Variants in KCNQ3 observed in about 807,000 individuals in gnomAD.
KCNQ3 encodes potassium voltage-gated channel subfamily KQT member 3.
In KCNQ3, 30 loss-of-function variants were observed where a neutral mutation model predicts 92.5. The observed-to-expected ratio is 0.32, with a 90% CI of 0.24 to 0.44. The LOEUF (loss-of-function observed/expected upper bound fraction) is 0.44. KCNQ3 is among the 20% of genes least tolerant of loss of function. The pLI is 1.00. For synonymous variants in KCNQ3, 450 were observed against 468.8 expected, an observed-to-expected ratio of 0.96 and a Z score of 0.52; for missense variants, 913 against 1,140.3, an observed-to-expected ratio of 0.80 and a Z score of 2.87.
chr8:132,465,267 ATTAGT>A (rs1489250595), intron 1 of KCNQ3, among the ~76,000 whole-genome samples: 1 of 152,202 alleles, frequency 6.6e-6, no homozygotes, highest in Non-Finnish European at 1.5e-5. Flanking sequence ...CACATTATAA[ATTAGT>A]TAAGATTCTT....
At chr8:132,325,648 G>T (rs969962726) in intron 1 of KCNQ3, among the ~76,000 whole-genome samples, 1 of 152,188 alleles carries the variant, frequency 6.6e-6, no homozygotes, top group Non-Finnish European at 1.5e-5. Flanking sequence ...CAAGGACAGA[G>T]GTCCCAGAAA....
chr8:132,342,357 T>C (rs191371252), intron 1 of KCNQ3, among the ~76,000 whole-genome samples: 15 of 152,182 alleles, frequency 9.9e-5, no homozygotes, highest in Admixed American at 6.6e-5. Flanking sequence ...CCATTCTCAT[T>C]ACCCAAACCA....
chr8:132,177,426 A>T (rs1249451773), intron 4 of KCNQ3, among the ~76,000 whole-genome samples: 1 of 152,202 alleles, frequency 6.6e-6, no homozygotes, highest in African/African-American at 2.4e-5. Flanking sequence ...ACTGGGGTCC[A>T]GCCAATATGG....
intron 1 of KCNQ3, among the ~76,000 whole-genome samples, chr8:132,248,185 G>A (rs763120660): frequency 3.3e-4 from 50 of 151,982 alleles, no homozygotes; most frequent in Non-Finnish European, 6.5e-4. Flanking sequence ...CTCTCTCTTG[G>A]GTTTCTGAGA....
At chr8:132,394,658 T>C (rs980214944) in intron 1 of KCNQ3, among the ~76,000 whole-genome samples, 2 of 152,042 alleles carry the variant, frequency 1.3e-5, no homozygotes, top group Admixed American at 6.6e-5. Flanking sequence ...TTATTATCAA[T>C]GATGACAATG....
At chr8:132,297,114 T>G (rs1817056508) in intron 1 of KCNQ3, among the ~76,000 whole-genome samples, 1 of 152,216 alleles carries the variant, frequency 6.6e-6, no homozygotes, top group Admixed American at 6.5e-5. Context: ...TCATTGTGGT[T>G]TTGATTTGCA....
intron 1 of KCNQ3, among the ~76,000 whole-genome samples, chr8:132,262,759 G>A (rs1815831076): frequency 6.6e-6 from 1 of 151,794 alleles, no homozygotes; most frequent in Non-Finnish European, 1.5e-5. Flanking sequence ...CACCCGTCTT[G>A]GACAGACATA....
chr8:132,422,258 C>T (rs1270861566), intron 1 of KCNQ3, among the ~76,000 whole-genome samples: 1 of 152,166 alleles, frequency 6.6e-6, no homozygotes, highest in Non-Finnish European at 1.5e-5. Flanking sequence ...TTTATCTGCA[C>T]ATTGACTTCC....
rs1303827847 is a variant in KCNQ3, at chr8:132,126,615, T to C, written c.*2647A>G. 1 of 152,086 alleles carries C rather than the reference T, an allele frequency of 6.6e-6. No homozygotes were observed. 9.4% of individuals were successfully genotyped at this position (152,086 alleles called of 1,614,324 possible). On this transcript the variant is annotated 3_prime_UTR_variant, in exon 15 of 15. Transcript: ENST00000388996. ...TGTATTTTGTCTATGTCTATACTGA[T>C]AAAGACAACTTACTAGATGTTAGAC...
At chr8:132,138,175 AAC>A (rs1825169033) in intron 11 of KCNQ3, among the ~76,000 whole-genome samples, 159 bp from the exon 12 acceptor site, 1 of 152,222 alleles carries the variant, frequency 6.6e-6, no homozygotes, top group African/African-American at 2.4e-5. Context: ...TACCCCTTGG[AAC>A]ACACAGAGTT....
intron 4 of KCNQ3, among the ~76,000 whole-genome samples, chr8:132,177,694 C>T (rs1826611746): frequency 6.6e-6 from 1 of 152,184 alleles, no homozygotes; most frequent in Admixed American, 6.5e-5. Flanking sequence ...GAAAGTTTAA[C>T]CCTGTGCAAC....
chr8:132,175,384 A>C, intron 5 of KCNQ3, 69 bp downstream of exon 5: 2 of 1,543,198 alleles, frequency 1.3e-6, no homozygotes, highest in South Asian at 2.2e-5. Flanking sequence ...TGCTCATGTG[A>C]TGCCCTCCAC....
At chr8:132,134,506 AGAGGAGAG>A in intron 12 of KCNQ3, 118 bp from the exon 13 acceptor site, 1 of 725,560 alleles carries the variant, frequency 1.4e-6, no homozygotes, top group Non-Finnish European at 2.4e-6. Flanking sequence ...AGAGGAGAGG[AGAGGAGAG>A]GAGAAGTGAG....
intron 1 of KCNQ3, among the ~76,000 whole-genome samples, chr8:132,331,011 C>A (rs1367205259): frequency 6.6e-6 from 1 of 152,164 alleles, no homozygotes; most frequent in Admixed American, 6.5e-5. Context: ...TGAATGTTCC[C>A]ATTTGTCCCA....
At chr8:132,236,487 C>A (rs779015985) in intron 1 of KCNQ3, among the ~76,000 whole-genome samples, 1 of 152,128 alleles carries the variant, frequency 6.6e-6, no homozygotes, top group Non-Finnish European at 1.5e-5. Flanking sequence ...GAGATTAATG[C>A]TAATAATTAA....
At chr8:132,451,824 G>A (rs1445797515) in intron 1 of KCNQ3, among the ~76,000 whole-genome samples, 3 of 152,208 alleles carry the variant, frequency 2.0e-5, no homozygotes, top group Non-Finnish European at 2.9e-5. Context: ...AATAGGACAG[G>A]AGCAGCGGGA....
At chr8:132,388,629 G>A (rs1453967037) in intron 1 of KCNQ3, among the ~76,000 whole-genome samples, 2 of 151,914 alleles carry the variant, frequency 1.3e-5, no homozygotes, top group African/African-American at 4.8e-5. Flanking sequence ...AAGATGAGAG[G>A]GGTTAAAGTT....
intron 1 of KCNQ3, among the ~76,000 whole-genome samples, chr8:132,368,317 C>T (rs1015371086): frequency 7.2e-5 from 11 of 152,062 alleles, no homozygotes; most frequent in Admixed American, 2.6e-4. Context: ...GTGTGTGCTA[C>T]GTAATGCCTC....
intron 1 of KCNQ3, among the ~76,000 whole-genome samples, chr8:132,297,107 T>C (rs1945347423): frequency 6.6e-6 from 1 of 152,224 alleles, no homozygotes; most frequent in Non-Finnish European, 1.5e-5. Context: ...TGGTATCTCA[T>C]TGTGGTTTTG....
Sources: allele counts gnomAD v4.1 joint callset (sites outside exome capture counted in the v4.1 genomes callset), GRCh38; gene constraint gnomAD v4.1.1; transcripts MANE v1.5; gene names NCBI Gene and HGNC (gene_info 2026-07-23, HGNC 2026-07-21).